Variants in TPD52L1 observed in about 807,000 individuals in gnomAD.
TPD52L1 encodes the protein tumor protein D53.
In TPD52L1, 18 loss-of-function variants were observed where a neutral mutation model predicts 28.7. That is an observed-to-expected ratio of 0.63 (90% CI 0.43 to 0.93). The LOEUF (loss-of-function observed/expected upper bound fraction) is 0.93, where lower values mean the gene tolerates loss of function less well. Among genes scored for constraint, TPD52L1 ranks in the 40% least tolerant of loss-of-function variants. TPD52L1 has a pLI of 0.00. For missense variants in TPD52L1, 203 were observed against 254.8 expected, an observed-to-expected ratio of 0.80 and a Z score of 1.39; for synonymous variants, 75 against 88.8, an observed-to-expected ratio of 0.84 and a Z score of 0.88.
intron 1 of TPD52L1, among the ~76,000 whole-genome samples, chr6:125,164,731 C>G (rs1790763510): frequency 6.6e-6 from 1 of 151,884 alleles, no homozygotes; most frequent in Non-Finnish European, 1.5e-5. Context: ...AAGAAAATAC[C>G]TAGTAAAACT....
intron 1 of TPD52L1, among the ~76,000 whole-genome samples, chr6:125,200,023 T>A (rs565297426): frequency 6.6e-6 from 1 of 152,348 alleles, no homozygotes; most frequent in African/African-American, 2.4e-5. Context: ...GCTAAACTTC[T>A]GAAAAGCCAC....
At chr6:125,204,340 T>C (rs1338863820) in intron 1 of TPD52L1, among the ~76,000 whole-genome samples, 1 of 152,220 alleles carries the variant, frequency 6.6e-6, no homozygotes, top group Non-Finnish European at 1.5e-5. Context: ...GCTGGTATAC[T>C]GATGCGTGCT....
intron 1 of TPD52L1, among the ~76,000 whole-genome samples, chr6:125,198,902 A>G (rs1407614109): frequency 6.6e-6 from 1 of 152,172 alleles, no homozygotes; most frequent in African/African-American, 2.4e-5. Flanking sequence ...TACAATCACA[A>G]CAATGAGTTC....
At chr6:125,161,149 G>C (rs1401285874) in intron 1 of TPD52L1, among the ~76,000 whole-genome samples, 1 of 152,176 alleles carries the variant, frequency 6.6e-6, no homozygotes, top group Non-Finnish European at 1.5e-5. Context: ...CACCATGCCA[G>C]GCCTGAGATG....
intron 1 of TPD52L1, among the ~76,000 whole-genome samples, chr6:125,197,561 C>A (rs911733643): frequency 9.2e-5 from 14 of 152,036 alleles, no homozygotes; most frequent in African/African-American, 3.4e-4. Context: ...AGAACAGACT[C>A]TTTTGAAAAG....
intron 3 of TPD52L1, among the ~76,000 whole-genome samples, chr6:125,245,126 G>A (rs954913061): frequency 2.0e-5 from 3 of 152,210 alleles, no homozygotes; most frequent in Non-Finnish European, 4.4e-5. Context: ...GGTGGAGGTG[G>A]CAGGGGAGTG....
intron 5 of TPD52L1, among the ~76,000 whole-genome samples, chr6:125,254,208 T>TA (rs1797452973): frequency 6.6e-6 from 1 of 152,212 alleles, no homozygotes; most frequent in Non-Finnish European, 1.5e-5. Context: ...ATCATTAGGA[T>TA]TTTTAAGGTG....
intron 1 of TPD52L1, among the ~76,000 whole-genome samples, chr6:125,194,677 C>T (rs976078680): frequency 4.6e-5 from 7 of 152,152 alleles, no homozygotes; most frequent in East Asian, 1.9e-4. Context: ...GCTGCCGAAA[C>T]GAGAATGAAA....
At chr6:125,179,451 A>G (rs1792044048) in intron 1 of TPD52L1, among the ~76,000 whole-genome samples, 1 of 152,228 alleles carries the variant, frequency 6.6e-6, no homozygotes, top group Admixed American at 6.5e-5. Flanking sequence ...AAGAATCCCT[A>G]TGTGTCCCAA....
intron 1 of TPD52L1, among the ~76,000 whole-genome samples, chr6:125,166,573 G>A (rs1790919872): frequency 6.6e-6 from 1 of 152,104 alleles, no homozygotes; most frequent in African/African-American, 2.4e-5. Context: ...GTGCCTAGGA[G>A]CCTGTGAATT....
chr6:125,249,708 A>AG (rs1562380526), intron 4 of TPD52L1, among the ~76,000 whole-genome samples: 1 of 150,964 alleles, frequency 6.6e-6, no homozygotes, highest in African/African-American at 2.4e-5. Flanking sequence ...AAAAAAAAAA[A>AG]AAGAAGGAAA....
At chr6:125,248,517 A>C (rs1177903436) in intron 4 of TPD52L1, 134 bp downstream of exon 4, 3 of 643,362 alleles carry the variant, frequency 4.7e-6, no homozygotes, top group Non-Finnish European at 8.0e-6. Flanking sequence ...TATGGCTGAT[A>C]TGATTGATGA....
chr6:125,185,910 T>TTTTC (rs1792582940), intron 1 of TPD52L1, among the ~76,000 whole-genome samples: 1 of 150,890 alleles, frequency 6.6e-6, no homozygotes, highest in Non-Finnish European at 1.5e-5. Context: ...TTTTTTTTTT[T>TTTTC]TGAGACAGAG....
Position 125,229,058 on chromosome 6 carries a change from G to A in TPD52L1, c.136-60G>A. ...CTGCTTTGGAATACCCAGAGCTTCTGTAAGTATCCTTTTTTGCTGGTCTGA... is the reference window on the plus strand; with the variant it reads ...CTGCTTTGGAATACCCAGAGCTTCTATAAGTATCCTTTTTTGCTGGTCTGA... On this transcript the variant is annotated intron_variant, in intron 2 of 6. Coordinates refer to ENST00000534000, the MANE Select transcript of TPD52L1 (RefSeq NM_003287.4). 3 of 1,569,392 alleles carry A rather than the reference G, an allele frequency of 1.9e-6. No individual in the cohort carries two copies. In the East Asian group the frequency reaches 6.8e-5, roughly 35 times the overall value.
chr6:125,180,619 G>A (rs1031584433), intron 1 of TPD52L1, among the ~76,000 whole-genome samples: 1 of 151,554 alleles, frequency 6.6e-6, no homozygotes, highest in African/African-American at 2.4e-5. Flanking sequence ...GAGAGGGAGA[G>A]CTATTTAGCC....
chr6:125,187,931 T>C (rs1792754320), intron 1 of TPD52L1, among the ~76,000 whole-genome samples: 1 of 151,836 alleles, frequency 6.6e-6, no homozygotes, highest in African/African-American at 2.4e-5. Flanking sequence ...AACTGAGATT[T>C]TTTTTTTTTT....
intron 3 of TPD52L1, among the ~76,000 whole-genome samples, chr6:125,234,961 G>A (rs1435593206): frequency 5.9e-5 from 9 of 151,866 alleles, no homozygotes; most frequent in Non-Finnish European, 2.9e-5. Context: ...AAATATGGTG[G>A]CGTGCACCTG....
intron 1 of TPD52L1, among the ~76,000 whole-genome samples, chr6:125,197,996 A>C (rs1349689568): frequency 6.6e-6 from 1 of 152,140 alleles, no homozygotes; most frequent in East Asian, 1.9e-4. Context: ...GTTAAATAAG[A>C]AGCAGCCAAG....
chr6:125,259,264 A>T (rs1797776818), intron 6 of TPD52L1, among the ~76,000 whole-genome samples: 4 of 152,226 alleles, frequency 2.6e-5, no homozygotes. Context: ...AAGAAATCAT[A>T]GTCATATTTA....
Sources: gnomAD v4.1 joint callset for allele counts (sites outside exome capture counted in the v4.1 genomes callset) on GRCh38, gnomAD v4.1.1 for gene constraint, MANE v1.5 for transcripts, NCBI Gene and HGNC (gene_info 2026-07-23, HGNC 2026-07-21) for gene names.